NRXN1: variants seen among roughly 807,000 people sequenced by gnomAD.
NRXN1 encodes the protein neurexin 1, also known as neurexin-1.
A neutral mutation model predicts 150.9 loss-of-function variants in NRXN1; 39 were observed. The observed-to-expected ratio is 0.26, with a 90% CI of 0.20 to 0.34. The LOEUF (loss-of-function observed/expected upper bound fraction) is 0.34. Among genes scored for constraint, NRXN1 ranks in the 10% least tolerant of loss-of-function variants. The pLI is 1.00. For missense variants in NRXN1, 1,815 were observed against 1,949.9 expected, an observed-to-expected ratio of 0.93 and a Z score of 1.30; for synonymous variants, 924 against 757.0, an observed-to-expected ratio of 1.22 and a Z score of -3.62.
chr2:50,520,774 C>T (rs2092765787), intron 12 of NRXN1, among the ~76,000 whole-genome samples: 1 of 151,858 alleles, frequency 6.6e-6, no homozygotes, highest in Non-Finnish European at 1.5e-5. Flanking sequence ...ATTTATTGTA[C>T]TCATCATAAT....
chr2:50,799,258 C>T (rs181826143), intron 5 of NRXN1, among the ~76,000 whole-genome samples: 5 of 152,280 alleles, frequency 3.3e-5, no homozygotes, highest in Non-Finnish European at 5.9e-5. Flanking sequence ...TTAAGTTTCA[C>T]CTAAATCTTT....
intron 21 of NRXN1, among the ~76,000 whole-genome samples, chr2:50,037,122 A>G (rs1025057862): frequency 6.6e-6 from 1 of 152,180 alleles, no homozygotes; most frequent in Non-Finnish European, 1.5e-5. Context: ...CTTAAACAGA[A>G]TATCTTTATT....
chr2:49,933,149 C>T (rs970904566), intron 22 of NRXN1, among the ~76,000 whole-genome samples: 33 of 152,054 alleles, frequency 2.2e-4, no homozygotes, highest in African/African-American at 7.0e-4. Context: ...CACAGTGGCG[C>T]GGTCTCAGCT....
At chr2:49,996,430 T>C (rs1401055415) in intron 21 of NRXN1, among the ~76,000 whole-genome samples, 2 of 152,200 alleles carry the variant, frequency 1.3e-5, no homozygotes, top group Admixed American at 6.5e-5. Flanking sequence ...GGGATTTACA[T>C]AGTATGGTAG....
chr2:50,530,707 C>T (rs2093077228), intron 11 of NRXN1, among the ~76,000 whole-genome samples: 1 of 152,150 alleles, frequency 6.6e-6, no homozygotes. Flanking sequence ...AAAATACCAC[C>T]ACACAGTACT....
At chr2:49,968,049 T>G (rs905494619) in intron 21 of NRXN1, among the ~76,000 whole-genome samples, 1 of 152,010 alleles carries the variant, frequency 6.6e-6, no homozygotes, top group African/African-American at 2.4e-5. Flanking sequence ...TACATAATTA[T>G]TATTACTTAT....
chr2:50,810,402 G>A (rs1483046579), intron 5 of NRXN1, among the ~76,000 whole-genome samples: 1 of 152,082 alleles, frequency 6.6e-6, no homozygotes, highest in Non-Finnish European at 1.5e-5. Context: ...AAACTTGAGA[G>A]GGAACCAGAG....
chr2:50,746,595 C>CA, intron 5 of NRXN1, among the ~76,000 whole-genome samples: 1 of 142,106 alleles, frequency 7.0e-6, no homozygotes, highest in East Asian at 2.0e-4. Context: ...ACAACAACAA[C>CA]AAAAATGTGG....
At chr2:50,614,725 C>A (rs1573797436) in intron 8 of NRXN1, among the ~76,000 whole-genome samples, 2 of 87,416 alleles carry the variant, frequency 2.3e-5, no homozygotes, top group Admixed American at 1.7e-4. Context: ...AAACTAATAT[C>A]AGCCATTCAA....
chr2:50,986,585 TAA>T, intron 2 of NRXN1, among the ~76,000 whole-genome samples: 1 of 151,676 alleles, frequency 6.6e-6, no homozygotes, highest in Non-Finnish European at 1.5e-5. Flanking sequence ...TAATAAATTT[TAA>T]AAAGTTTTTC....
At chr2:50,716,501 C>T (rs577577132) in intron 5 of NRXN1, among the ~76,000 whole-genome samples, 2 of 152,060 alleles carry the variant, frequency 1.3e-5, no homozygotes, top group African/African-American at 4.8e-5. Context: ...AATTACAGTC[C>T]ACATTTCAAA....
At chr2:50,096,974 G>T (rs1700312854) in intron 18 of NRXN1, among the ~76,000 whole-genome samples, 1 of 152,186 alleles carries the variant, frequency 6.6e-6, no homozygotes, top group Admixed American at 6.5e-5. Flanking sequence ...ATGTCTGCAT[G>T]TTACAGATGC....
At chr2:50,922,059 T>C (rs768957571) in intron 4 of NRXN1, among the ~76,000 whole-genome samples, 179 bp from the exon 5 acceptor site, 5 of 151,830 alleles carry the variant, frequency 3.3e-5, no homozygotes, top group Non-Finnish European at 5.9e-5. Context: ...TCAGGACATG[T>C]TGGGAATTCT....
At chr2:49,973,655 T>A (rs13025736) in intron 21 of NRXN1, 110,783 of 351,110 alleles carry the variant, frequency 0.32, 19,049 homozygotes, top group East Asian at 0.52. Flanking sequence ...AAGTTTTGGT[T>A]GTTTTTGCCA....
chr2:50,342,172 T>C (rs189233518), intron 17 of NRXN1, among the ~76,000 whole-genome samples: 7 of 152,210 alleles, frequency 4.6e-5, no homozygotes, highest in African/African-American at 1.7e-4. Context: ...AATGAATGCA[T>C]GAATGAACAA....
At chr2:50,836,041 A>C (rs1470094337) in intron 5 of NRXN1, among the ~76,000 whole-genome samples, 3 of 152,204 alleles carry the variant, frequency 2.0e-5, no homozygotes, top group Non-Finnish European at 4.4e-5. Context: ...CGTTTGTAAA[A>C]TTGAAAACAT....
rs1416454685 is a variant in NRXN1, at chr2:50,229,987, T to C, written c.3546+6802A>G. Among the ~76,000 whole-genome samples, 4 of 152,010 alleles carry C rather than the reference T, an allele frequency of 2.6e-5. No homozygotes were observed. The East Asian group carries it at 7.8e-4, about 30-fold the overall frequency. ...ATTTGAAGCCATTCTATAAAATAGC[T>C]TGGGGCCCACCACAAAGCAGTGGGT... On this transcript the variant is annotated intron_variant, in intron 18 of 22. Transcript: ENST00000401669.
chr2:50,027,821 T>C (rs2152565210), intron 21 of NRXN1, among the ~76,000 whole-genome samples: 1 of 152,270 alleles, frequency 6.6e-6, no homozygotes. Flanking sequence ...TTGCTCAAAC[T>C]GTGCTTGCCA....
intron 17 of NRXN1, among the ~76,000 whole-genome samples, chr2:50,343,939 T>C (rs2077738032): frequency 6.6e-6 from 1 of 152,198 alleles, no homozygotes; most frequent in Admixed American, 6.5e-5. Context: ...AAATTTGCAA[T>C]AGTCTCAGAT....
Sources: allele counts gnomAD v4.1 joint callset (sites outside exome capture counted in the v4.1 genomes callset), GRCh38; gene constraint gnomAD v4.1.1; transcripts MANE v1.5; gene names NCBI Gene and HGNC (gene_info 2026-07-23, HGNC 2026-07-21).